The following UNC45B variants were observed in gnomAD, a reference collection of about 807,000 sequenced individuals.
UNC45B encodes the protein protein unc-45 homolog B.
In UNC45B, 78 loss-of-function variants were observed where a neutral mutation model predicts 98.7. The observed-to-expected ratio is 0.79, with a 90% CI of 0.66 to 0.95. UNC45B has a LOEUF of 0.95. UNC45B is among the 40% of genes least tolerant of loss of function. UNC45B has a pLI of 0.00. For missense variants in UNC45B, 1,225 were observed against 1,184.9 expected (o/e 1.03, Z -0.50); for synonymous variants, 462 against 480.4 (o/e 0.96, Z 0.50).
At chr17:35,154,514 T>G (rs1387291983) in intron 5 of UNC45B, 60 bp from the exon 6 acceptor site, 1 of 1,527,170 alleles carries the variant, frequency 6.5e-7, no homozygotes, top group East Asian at 2.4e-5. Flanking sequence ...ACTTGGCCCA[T>G]GGTCCAGGCC....
intron 8 of UNC45B, among the ~76,000 whole-genome samples, chr17:35,161,842 CT>C (rs1432797093): frequency 6.6e-6 from 1 of 152,074 alleles, no homozygotes; most frequent in Non-Finnish European, 1.5e-5. Flanking sequence ...GGGAGAGGGG[CT>C]GGAGGTGGGA....
At chr17:35,169,803 C>T (rs376919199) in intron 10 of UNC45B, 34 bp from the exon 11 acceptor site, 254 of 1,593,518 alleles carry the variant, frequency 1.6e-4, no homozygotes, top group Non-Finnish European at 2.0e-4. Flanking sequence ...TGTCTCTGAT[C>T]CTGCATGTGT....
chr17:35,183,832 T>C (rs556478276), intron 19 of UNC45B, among the ~76,000 whole-genome samples: 1 of 152,338 alleles, frequency 6.6e-6, no homozygotes, highest in South Asian at 2.1e-4. Flanking sequence ...CCTTTAGTGG[T>C]GCATATACCT....
At chr17:35,182,355 C>T (rs1701966522) in intron 18 of UNC45B, among the ~76,000 whole-genome samples, 1 of 151,926 alleles carries the variant, frequency 6.6e-6, no homozygotes, top group South Asian at 2.1e-4. Context: ...TCCCAAAGTG[C>T]TGGGATTACA....
rs776601231 is a variant in UNC45B, at chr17:35,186,582, G to A, written c.*23G>A. The A allele has an allele frequency of 6.2e-7, 1 of 1,612,820 alleles. No individual in the cohort carries two copies. Among genetic ancestry groups the A allele is most frequent in the South Asian group, 1.1e-5 (1 of 90,670 alleles). On this transcript the variant is annotated 3_prime_UTR_variant, in exon 20 of 20. Transcript: ENST00000394570. The stretch of plus-strand genomic sequence containing the variant: ...TAGACAGCGACCCTCAGGGATGCTG[G>A]GAGTGGTCCTGTACTGTGCAGAGTC...
At chr17:35,163,622 A>G (rs1268819324) in intron 8 of UNC45B, among the ~76,000 whole-genome samples, 1 of 152,232 alleles carries the variant, frequency 6.6e-6, no homozygotes, top group Admixed American at 6.5e-5. Context: ...TGAGGTAGGT[A>G]GTATTATTCC....
chr17:35,167,707 T>A (rs1035396637), intron 9 of UNC45B, among the ~76,000 whole-genome samples: 1 of 152,090 alleles, frequency 6.6e-6, no homozygotes, highest in African/African-American at 2.4e-5. Context: ...GGCTGAGGCT[T>A]TGTGATAGCT....
intron 8 of UNC45B, among the ~76,000 whole-genome samples, chr17:35,163,583 A>G (rs925904923): frequency 2.6e-5 from 4 of 152,222 alleles, no homozygotes; most frequent in African/African-American, 9.6e-5. Context: ...GAGTTTCCAT[A>G]CATTATCTCA....
At position 35,162,595 on chromosome 17, in the gene UNC45B, C is replaced by T. The variant is rs532144466; in HGVS notation, c.980-1400C>T. 2.0e-5 allele frequency among the ~76,000 whole-genome samples: 3 copies of T among 147,978 alleles called. No individual in the cohort carries two copies. The East Asian group carries it at 5.9e-4, about 29-fold the overall frequency. On this transcript the variant is annotated intron_variant, in intron 8 of 19. Coordinates refer to ENST00000394570, the MANE Select transcript of UNC45B (RefSeq NM_001267052.2). ...TGAGCCACCAAGCCACTTCCAGGCA[C>T]TTTTTTTTTTTGAGACAGAGTTTTG...
intron 10 of UNC45B, among the ~76,000 whole-genome samples, 153 bp downstream of exon 10, chr17:35,168,514 A>G (rs754334328): frequency 7.9e-5 from 12 of 152,232 alleles, no homozygotes; most frequent in Non-Finnish European, 1.2e-4. Context: ...GAACAGGGCA[A>G]TATCCAGGGG....
chr17:35,157,448 C>T (rs889268005), intron 7 of UNC45B, among the ~76,000 whole-genome samples: 9 of 152,192 alleles, frequency 5.9e-5, no homozygotes, highest in South Asian at 2.1e-4. Context: ...GTGATCCGCC[C>T]GCCTCTGCCT....
chr17:35,156,096 C>T (rs11658282), intron 7 of UNC45B, among the ~76,000 whole-genome samples: 45,070 of 151,890 alleles, frequency 0.3, 6,983 homozygotes, highest in Middle Eastern at 0.38. Context: ...AAGCCAGCCA[C>T]AAAAAGACAA....
chr17:35,169,504 G>C (rs1012638106), intron 10 of UNC45B, among the ~76,000 whole-genome samples: 6 of 152,154 alleles, frequency 3.9e-5, no homozygotes, highest in Non-Finnish European at 8.8e-5. Flanking sequence ...CCGTAACAAG[G>C]TTCCCCATTG....
intron 9 of UNC45B, among the ~76,000 whole-genome samples, chr17:35,166,699 G>A (rs1401125939): frequency 1.3e-5 from 2 of 152,156 alleles, no homozygotes; most frequent in Non-Finnish European, 1.5e-5. Flanking sequence ...GCACTGAGTG[G>A]AGAGATGAGG....
chr17:35,173,113 G>T (rs188505346), intron 13 of UNC45B, among the ~76,000 whole-genome samples: 3 of 145,268 alleles, frequency 2.1e-5, no homozygotes, highest in Admixed American at 7.2e-5. Flanking sequence ...GGCCTAAAAC[G>T]CAATTTTTAT....
intron 9 of UNC45B, among the ~76,000 whole-genome samples, chr17:35,165,050 T>G (rs2092129157): frequency 6.6e-6 from 1 of 152,230 alleles, no homozygotes; most frequent in Admixed American, 6.5e-5. Flanking sequence ...AATTTTTGTA[T>G]TTTTTGTTTT....
rs868781035 is a variant in UNC45B at position 35,188,071 on chromosome 17, G to A, written c.*1512G>A. 6.6e-6 allele frequency: 1 copy of A among 152,176 alleles called. No homozygotes were observed. Among genetic ancestry groups the A allele is most frequent in the Non-Finnish European group, 1.5e-5 (1 of 68,034 alleles). The allele number at this position is 152,176 out of a possible 1,614,324, so 9.4% of individuals were successfully genotyped here. ...ATGGGCCAAATCCAACATAATACCCGCTGTACCTCTAGAGAACTAAAACCT... is the reference window on the plus strand; with the variant it reads ...ATGGGCCAAATCCAACATAATACCCACTGTACCTCTAGAGAACTAAAACCT... On this transcript the variant is annotated 3_prime_UTR_variant, in exon 20 of 20. Transcript: ENST00000394570.
chr17:35,148,574 C>A, intron 2 of UNC45B, 143 bp downstream of exon 2: 1 of 946,428 alleles, frequency 1.1e-6, no homozygotes, highest in Non-Finnish European at 1.5e-6. Context: ...GTGCCTCCAA[C>A]CCCCTGACCC....
In UNC45B at chr17:35,164,170, A is replaced by G. The variant is rs769010743; in HGVS notation, c.1151+4A>G. ...AGATCTGTGAGGAATATATCACGTA[A>G]GTTTCCTGGAGGCCTCACAGGGTCA... On this transcript the variant is annotated splice_donor_region_variant and intron_variant, in intron 9 of 19. Coordinates refer to ENST00000394570, the MANE Select transcript of UNC45B (RefSeq NM_001267052.2). 18 of 1,603,310 alleles carry G rather than the reference A, an allele frequency of 1.1e-5. No individual in the cohort carries two copies. In the East Asian group the frequency reaches 1.8e-4, roughly 16 times the overall value.
Sources: allele counts gnomAD v4.1 joint callset (sites outside exome capture counted in the v4.1 genomes callset), GRCh38; gene constraint gnomAD v4.1.1; transcripts MANE v1.5; gene names NCBI Gene and HGNC (gene_info 2026-07-23, HGNC 2026-07-21).